Variants in MYZAP observed in about 807,000 individuals in gnomAD.
MYZAP encodes the protein myocardial zonula adherens protein.
MYZAP carries 66 observed loss-of-function variants against 69.4 expected under a neutral mutation model. The observed-to-expected ratio is 0.95, with a 90% CI of 0.78 to 1.17. The LOEUF is 1.17. Ranked by LOEUF, MYZAP falls within the 50% of genes most tolerant of loss-of-function variation. The pLI is 0.00. For synonymous variants in MYZAP, 256 were observed against 205.9 expected (o/e 1.24, Z -2.09); for missense variants, 611 against 556.2 (o/e 1.10, Z -0.99).
intron 11 of MYZAP, among the ~76,000 whole-genome samples, chr15:57,666,971 A>G (rs2038605047): frequency 1.3e-5 from 2 of 152,210 alleles, no homozygotes; most frequent in African/African-American, 2.4e-5. Flanking sequence ...TTAAAATAAC[A>G]TTGCAAGCAT....
chr15:57,593,190 A>ATGCGCGCGCACGCG (rs376306761), intron 1 of MYZAP, among the ~76,000 whole-genome samples: 9 of 108,256 alleles, frequency 8.3e-5, no homozygotes, highest in African/African-American at 3.1e-4. Context: ...ACACAGGCGC[A>ATGCGCGCGCACGCG]CACACACACA....
intron 7 of MYZAP, 57 bp downstream of exon 7, chr15:57,632,616 T>C (rs1347819288): frequency 6.2e-7 from 1 of 1,607,074 alleles, no homozygotes; most frequent in Non-Finnish European, 8.5e-7. Context: ...TTCATTATTG[T>C]TGGTGATGTA....
chr15:57,637,895 A>G (rs1475498404), intron 9 of MYZAP, 121 bp downstream of exon 9: 2 of 1,035,832 alleles, frequency 1.9e-6, no homozygotes, highest in East Asian at 2.7e-5. Flanking sequence ...AGACTTAAGC[A>G]TACATAACAT....
At chr15:57,624,266 A>G (rs2035992982) in intron 4 of MYZAP, among the ~76,000 whole-genome samples, 1 of 152,224 alleles carries the variant, frequency 6.6e-6, no homozygotes, top group Non-Finnish European at 1.5e-5. Context: ...TATCTGTGGG[A>G]AAGAAGGGCA....
At chr15:57,675,385 A>G (rs1349645962) in intron 12 of MYZAP, among the ~76,000 whole-genome samples, 2 of 152,138 alleles carry the variant, frequency 1.3e-5, no homozygotes, top group African/African-American at 2.4e-5. Context: ...CCTGTGCCAG[A>G]CAGTTATGAC....
intron 4 of MYZAP, among the ~76,000 whole-genome samples, chr15:57,622,806 T>C (rs1379932836): frequency 2.6e-5 from 4 of 152,222 alleles, no homozygotes; most frequent in Non-Finnish European, 5.9e-5. Context: ...GGAATGCCTT[T>C]TCTTATTATG....
At chr15:57,632,361 A>C in intron 6 of MYZAP, 73 bp from the exon 7 acceptor site, 1 of 1,600,350 alleles carries the variant, frequency 6.2e-7, no homozygotes, top group Non-Finnish European at 8.5e-7. Flanking sequence ...TCCCCACATG[A>C]AATGTGCAGT....
At chr15:57,680,590 G>C (rs1212757920) in intron 12 of MYZAP, 1 of 151,996 alleles carries the variant, frequency 6.6e-6, no homozygotes. Context: ...AAGCCATTGA[G>C]AACAAGTGCA....
chr15:57,647,109 A>G, intron 10 of MYZAP: 1 of 985,188 alleles, frequency 1.0e-6, no homozygotes, highest in Non-Finnish European at 1.2e-6. Context: ...CACTCCTATC[A>G]CTCCTTCATG....
intron 10 of MYZAP, among the ~76,000 whole-genome samples, chr15:57,656,643 A>C (rs2038024053): frequency 6.6e-6 from 1 of 152,160 alleles, no homozygotes; most frequent in Admixed American, 6.6e-5. Context: ...TTCGGGGCAG[A>C]CCACTGGGGA....
chr15:57,600,238 A>G (rs995416548), intron 1 of MYZAP, among the ~76,000 whole-genome samples: 2 of 152,196 alleles, frequency 1.3e-5, no homozygotes, highest in African/African-American at 4.8e-5. Context: ...CAGCCAGTCC[A>G]TCAGTGGGTC....
At chr15:57,593,212 A>ACACACACACACACTCACT (rs770540454) in intron 1 of MYZAP, among the ~76,000 whole-genome samples, 5 of 124,906 alleles carry the variant, frequency 4.0e-5, no homozygotes, top group African/African-American at 1.7e-4. Context: ...ACACACACAC[A>ACACACACACACACTCACT]CACCCCAGAA....
chr15:57,630,462 C>G (rs1445816175), intron 6 of MYZAP, among the ~76,000 whole-genome samples: 2 of 152,152 alleles, frequency 1.3e-5, no homozygotes, highest in African/African-American at 2.4e-5. Context: ...TTTGAGGTCC[C>G]AAGGCCTTTC....
chr15:57,646,262 C>G (rs1425536203), intron 10 of MYZAP: 3 of 1,286,008 alleles, frequency 2.3e-6, no homozygotes, highest in African/African-American at 3.0e-5. Flanking sequence ...CTTGTACACT[C>G]TCTGCTGGGA....
intron 11 of MYZAP, among the ~76,000 whole-genome samples, chr15:57,672,058 A>G (rs2140610850): frequency 6.6e-6 from 1 of 152,318 alleles, no homozygotes; most frequent in African/African-American, 2.4e-5. Context: ...ATCTCAGTTC[A>G]GTTCTTTAAA....
intron 10 of MYZAP, among the ~76,000 whole-genome samples, chr15:57,656,700 A>G (rs886978065): frequency 1.1e-4 from 16 of 152,326 alleles, no homozygotes; most frequent in African/African-American, 3.1e-4. Flanking sequence ...CCGGCAGTGC[A>G]CTGACTCTGC....
At chr15:57,627,858 G>T (rs1435525092) in intron 5 of MYZAP, among the ~76,000 whole-genome samples, 2 of 152,166 alleles carry the variant, frequency 1.3e-5, no homozygotes, top group African/African-American at 4.8e-5. Context: ...GGGGCTGGGG[G>T]AGTGGGTGGC....
chr15:57,649,110 A>T (rs1337484894), intron 10 of MYZAP, among the ~76,000 whole-genome samples: 1 of 152,130 alleles, frequency 6.6e-6, no homozygotes, highest in African/African-American at 2.4e-5. Context: ...TCAATGGCTA[A>T]TATCCTTTTA....
At position 57,594,604 on chromosome 15, in the gene MYZAP, T is replaced by A. The variant is rs372382866; in HGVS notation, c.75+2495T>A. Among the ~76,000 whole-genome samples, 30 of 152,234 alleles carry A rather than the reference T, an allele frequency of 2.0e-4. 2 individuals carry two copies. In the South Asian group the frequency reaches 6.2e-3, roughly 32 times the overall value. On this transcript the variant is annotated intron_variant, in intron 1 of 12. Coordinates refer to ENST00000267853, the MANE Select transcript of MYZAP (RefSeq NM_001018100.5). The stretch of plus-strand genomic sequence containing the variant: ...TGACGGTGGTTGGAATGGTAGGCTA[T>A]CTCATATCGCCTAGGTGTGTGGTAG...
Sources: gnomAD v4.1 joint callset for allele counts (sites outside exome capture counted in the v4.1 genomes callset) on GRCh38, gnomAD v4.1.1 for gene constraint, MANE v1.5 for transcripts, NCBI Gene and HGNC (gene_info 2026-07-23, HGNC 2026-07-21) for gene names.